Variants in CCDC186 observed in about 807,000 individuals in gnomAD.
CCDC186 encodes coiled-coil domain-containing protein 186.
Under a neutral mutation model 113.7 loss-of-function variants are expected in CCDC186, and 49 were observed. That is an observed-to-expected ratio of 0.43 (90% confidence interval 0.34 to 0.55). The LOEUF (loss-of-function observed/expected upper bound fraction) is 0.55, where lower values mean the gene tolerates loss of function less well. CCDC186 is among the 20% of genes least tolerant of loss of function. CCDC186 has a pLI of 0.02. For missense variants in CCDC186, 890 were observed against 1,011.1 expected (o/e 0.88, Z 1.62); for synonymous variants, 355 against 345.8 (o/e 1.03, Z -0.30).
chr10:114,154,532 C>G (rs1029431465), intron 3 of CCDC186, among the ~76,000 whole-genome samples: 1 of 152,022 alleles, frequency 6.6e-6, no homozygotes, highest in Non-Finnish European at 1.5e-5. Context: ...CAAGTAGAGA[C>G]TGAATTAGCA....
At chr10:114,165,264 T>C (rs1564919564) in intron 1 of CCDC186, among the ~76,000 whole-genome samples, 1 of 152,226 alleles carries the variant, frequency 6.6e-6, no homozygotes, top group Non-Finnish European at 1.5e-5. Context: ...AGGCTTGGTT[T>C]AGACAATACA....
intron 1 of CCDC186, among the ~76,000 whole-genome samples, chr10:114,172,429 C>T (rs535964544): frequency 6.6e-6 from 1 of 152,216 alleles, no homozygotes; most frequent in Non-Finnish European, 1.5e-5. Flanking sequence ...GACAACTCTA[C>T]TTTATGGGTG....
chr10:114,165,969 T>A, intron 1 of CCDC186: 1 of 797,886 alleles, frequency 1.3e-6, no homozygotes, highest in Non-Finnish European at 1.5e-6. Flanking sequence ...TGTGACTTCA[T>A]TTTTTTTTTA....
chr10:114,133,432 A>G (rs1195510368), intron 10 of CCDC186, among the ~76,000 whole-genome samples: 2 of 152,230 alleles, frequency 1.3e-5, no homozygotes, highest in African/African-American at 2.4e-5. Context: ...GGTATCTTTA[A>G]TACTTGTGCC....
Position 114,127,331 on chromosome 10 carries a change from C to A in CCDC186, c.2393+130G>T. ...GAACATAATAGGTGACCATAAAAGA[C>A]TGGGAACTGAATAACTATAATTATT... On this transcript the variant is annotated intron_variant, in intron 14 of 15. Transcript: ENST00000369287. The A allele has an allele frequency of 4.8e-6, 4 of 825,232 alleles. No individual in the cohort carries two copies. The South Asian group carries it at 7.4e-5, about 15-fold the overall frequency. 51.1% of individuals were successfully genotyped at this position (825,232 alleles called of 1,614,324 possible). A position where few individuals can be genotyped will look rare whatever the true frequency, so the allele number is the denominator to read the frequency against.
intron 1 of CCDC186, among the ~76,000 whole-genome samples, chr10:114,172,979 G>A (rs2032552910): frequency 6.6e-6 from 1 of 152,112 alleles, no homozygotes; most frequent in Admixed American, 6.5e-5. Flanking sequence ...TACCTAAATA[G>A]ATAATAGCAG....
rs1386916689 is a variant in CCDC186, at chr10:114,125,899, T to G, written c.2600A>C (p.Asn867Thr). 6.2e-7 allele frequency: 1 copy of G among 1,613,506 alleles called. No individual in the cohort carries two copies. The highest frequency in any genetic ancestry group is 8.5e-7 in the Non-Finnish European group (1 of 1,179,522). Reference sequence around the variant, plus strand: ...AAACACAAATACCTTCAAAGTAATATTTTTTAGTAACGTATCCTCCAAAAC... The same window carrying G: ...AAACACAAATACCTTCAAAGTAATAGTTTTTAGTAACGTATCCTCCAAAAC... ...QAVLEDTLLK[N>T]ITLKENLQTL... Residue 867 changes from asparagine to threonine, a missense_variant, in exon 15 of 16, where the codon AAT becomes ACT. Asn to Thr is a moderately conservative substitution (Grantham distance 65). Coordinates refer to ENST00000369287, the MANE Select transcript of CCDC186 (RefSeq NM_018017.4).
Position 114,138,058 on chromosome 10 carries a change from AAAAAAAAAAAAAAAAT to A in CCDC186, c.1222-784_1222-769del, listed in dbSNP as rs1197014900. On this transcript the variant is annotated intron_variant, in intron 6 of 15. Transcript: ENST00000369287. The stretch of plus-strand genomic sequence containing the variant: ...GTCTCAAAAAAAAAAAAAAAAAAAA[AAAAAAAAAAAAAAAAT>A]AAAAAAAATACACAAATTAGCCAGG... Among the ~76,000 whole-genome samples, 988 of 101,154 alleles carry A rather than the reference AAAAAAAAAAAAAAAAT, an allele frequency of 9.8e-3. 21 individuals are homozygous for A. Among genetic ancestry groups the A allele is most frequent in the African/African-American group, 0.014 (293 of 20,392 alleles). 66.4% of individuals were successfully genotyped at this position (101,154 alleles called of 152,430 possible).
At chr10:114,142,870 A>G (rs1589616489) in intron 6 of CCDC186, among the ~76,000 whole-genome samples, 1 of 152,234 alleles carries the variant, frequency 6.6e-6, no homozygotes, top group East Asian at 1.9e-4. Context: ...GTAGACTATA[A>G]TAACCACATG....
At chr10:114,157,471 C>T (rs2032044888) in intron 3 of CCDC186, 83 bp downstream of exon 3, 1 of 1,328,466 alleles carries the variant, frequency 7.5e-7, no homozygotes, top group Non-Finnish European at 1.0e-6. Context: ...CGATTACAGG[C>T]ATGAGCTGCC....
At position 114,123,619 on chromosome 10, in the gene CCDC186, CTTA is replaced by C. The variant is rs1259332315; in HGVS notation, c.*1521_*1523del. ...AATATCTGCATAAGAGCCACGGTATCTTATTATAGTAATGATCTGAAGATAATG... is the reference window on the plus strand; with the variant it reads ...AATATCTGCATAAGAGCCACGGTATCTTATAGTAATGATCTGAAGATAATG... On this transcript the variant is annotated 3_prime_UTR_variant, in exon 16 of 16. Coordinates refer to ENST00000369287, the MANE Select transcript of CCDC186 (RefSeq NM_018017.4). 1.3e-5 allele frequency: 2 copies of C among 152,086 alleles called. No individual in the cohort carries two copies. Among genetic ancestry groups the C allele is most frequent in the Non-Finnish European group, 2.9e-5 (2 of 68,016 alleles). The allele number at this position is 152,086 out of a possible 1,614,324, so 9.4% of individuals were successfully genotyped here.
At position 114,145,749 on chromosome 10, in the gene CCDC186, A is replaced by G. The variant is rs2031618250; in HGVS notation, c.901T>C (p.Cys301Arg). The change falls in exon 5 of 16, where the codon TGT becomes CGT. Residue 301 changes from cysteine (C) to arginine (R), a missense_variant. Physicochemically the swap from Cys to Arg is radical, Grantham distance 180. Coordinates refer to ENST00000369287, the MANE Select transcript of CCDC186 (RefSeq NM_018017.4). ...TCTTTTTCTTGGCGTGCCTCTTCAC[A>G]TTTCTTGTTGGCCTTCAAAAAAAAT... ...AQRMEQANKK[C>R]EEARQEKEAM... The G allele has an allele frequency of 3.8e-6, 6 of 1,581,020 alleles. No homozygotes were observed. Among genetic ancestry groups the G allele is most frequent in the Non-Finnish European group, 5.1e-6 (6 of 1,171,610 alleles).
At chr10:114,138,989 T>C (rs778558354) in intron 6 of CCDC186, among the ~76,000 whole-genome samples, 2 of 152,216 alleles carry the variant, frequency 1.3e-5, no homozygotes, top group Non-Finnish European at 2.9e-5. Flanking sequence ...ATAGATATAA[T>C]TTAGGCATGC....
Position 114,127,499 on chromosome 10 carries a change from GTGGTCCTCCATAAAT to G in CCDC186, c.2340_2354del (p.Glu780_His785delinsAsp). 6.2e-7 allele frequency: 1 copy of G among 1,613,920 alleles called. No individual in the cohort carries two copies. Among genetic ancestry groups the G allele is most frequent in the South Asian group, 1.1e-5 (1 of 91,064 alleles). ...TAATTTCTTCCACCAGTTGTTTGAT[GTGGTCCTCCATAAAT>G]TCTATCTTTTCATTTTTCCGGGCAT... On this transcript the variant is annotated inframe_deletion, in exon 14 of 16. Transcript: ENST00000369287.
Position 114,131,177 on chromosome 10 carries a change from T to C in CCDC186, c.2071A>G (p.Ile691Val). The C allele has an allele frequency of 1.3e-6, 2 of 1,579,226 alleles. No individual in the cohort carries two copies. Among genetic ancestry groups the C allele is most frequent in the African/African-American group, 1.4e-5 (1 of 73,206 alleles). Residue 691 changes from isoleucine to valine, a missense_variant, in exon 12 of 16, where the codon ATC (isoleucine) becomes GTC (valine). By Grantham distance (29) the Ile-to-Val change is conservative. Coordinates refer to ENST00000369287, the MANE Select transcript of CCDC186 (RefSeq NM_018017.4). ...VTQRRKHASS[I>V]KDLTKQLQQA... ...TGAAGTTGTTTGGTGAGATCCTTGA[T>C]ACTAGAGGCATGTTTACGTCTCTGA...
intron 3 of CCDC186, among the ~76,000 whole-genome samples, chr10:114,156,814 C>T (rs2032024825): frequency 6.6e-6 from 1 of 152,142 alleles, no homozygotes; most frequent in African/African-American, 2.4e-5. Context: ...TAAAGTATGA[C>T]AGCCAGCCTT....
rs2031206256 is a variant in CCDC186 at position 114,134,915 on chromosome 10, T to A, written c.1653A>T (p.Gln551His). Reference protein sequence around the residue: ...KTADQLQEQLQRGKQEIENLK... With the variant: ...KTADQLQEQLHRGKQEIENLK... The stretch of plus-strand genomic sequence containing the variant: ...AACAGAAGTTGCTCATTTTGTACCT[T>A]TGAAGCTGCTCCTGTAGCTGATCTG... The change falls in exon 10 of 16, where the codon CAA becomes CAT. Residue 551 changes from glutamine (Q) to histidine (H), a missense_variant and splice_region_variant. Gln to His is a conservative substitution (Grantham distance 24). Transcript: ENST00000369287. The A allele has an allele frequency of 1.9e-6, 3 of 1,607,980 alleles. No homozygotes were observed. In the African/African-American group the frequency reaches 4.0e-5, roughly 22 times the overall value.
Position 114,144,557 on chromosome 10 carries a change from A to C in CCDC186, c.1161T>G (p.Ser387=). 6.2e-7 allele frequency: 1 copy of C among 1,613,236 alleles called. No individual in the cohort carries two copies. The highest frequency in any genetic ancestry group is 1.1e-5 in the South Asian group (1 of 91,046). Residue 387 remains serine, a synonymous_variant, in exon 6 of 16, where the codon TCT becomes TCG. Transcript: ENST00000369287. ...EIDKLKEDIN[S]HVIKVKWAQN... is the part of the protein sequence containing the mutation. ...GTGCCCACTTTACTTTGATGACGTGAGAGTTAATGTCTTCCTTTAATTTGT... is the reference window on the plus strand; with the variant it reads ...GTGCCCACTTTACTTTGATGACGTGCGAGTTAATGTCTTCCTTTAATTTGT...
At chr10:114,157,194 T>A in intron 3 of CCDC186, among the ~76,000 whole-genome samples, 1 of 149,712 alleles carries the variant, frequency 6.7e-6, no homozygotes, top group African/African-American at 2.5e-5. Flanking sequence ...TTTTTTTTTT[T>A]TTTTTTTGAG....
Sources: allele counts gnomAD v4.1 joint callset (sites outside exome capture counted in the v4.1 genomes callset), GRCh38; gene constraint gnomAD v4.1.1; transcripts MANE v1.5; gene names NCBI Gene and HGNC (gene_info 2026-07-23, HGNC 2026-07-21).